Variants in CSMD3 observed in about 807,000 individuals in gnomAD.
CSMD3 encodes the protein CUB and sushi domain-containing protein 3.
In CSMD3, 177 loss-of-function variants were observed where a neutral mutation model predicts 435.2. That is an observed-to-expected ratio of 0.41 (90% CI 0.36 to 0.46). The LOEUF is 0.46. CSMD3 is among the 20% of genes least tolerant of loss of function. The pLI is 0.34. For missense variants in CSMD3, 4,265 were observed against 4,504.6 expected, an observed-to-expected ratio of 0.95 and a Z score of 1.52; for synonymous variants, 1,656 against 1,520.5, an observed-to-expected ratio of 1.09 and a Z score of -2.07.
At chr8:113,425,143 C>A (rs2094629064) in intron 1 of CSMD3, among the ~76,000 whole-genome samples, 1 of 151,406 alleles carries the variant, frequency 6.6e-6, no homozygotes. Flanking sequence ...ATAAGTAACC[C>A]ACTGGTTGTT....
chr8:112,723,366 C>G (rs975933556), intron 13 of CSMD3, among the ~76,000 whole-genome samples: 1 of 152,106 alleles, frequency 6.6e-6, no homozygotes, highest in African/African-American at 2.4e-5. Flanking sequence ...TTCTCACAAG[C>G]ATTTCCATCT....
At chr8:112,478,811 C>T (rs1364630632) in intron 31 of CSMD3, among the ~76,000 whole-genome samples, 1 of 152,170 alleles carries the variant, frequency 6.6e-6, no homozygotes, top group Non-Finnish European at 1.5e-5. Context: ...TGTTCGCCTG[C>T]CCTTTCCTAA....
chr8:112,415,704 G>C (rs1006390997), intron 32 of CSMD3, among the ~76,000 whole-genome samples: 1 of 152,226 alleles, frequency 6.6e-6, no homozygotes, highest in African/African-American at 2.4e-5. Flanking sequence ...CAATGCCACA[G>C]AGGTGGAGTT....
chr8:112,237,678 T>C (rs767141154), intron 66 of CSMD3, among the ~76,000 whole-genome samples: 1 of 152,034 alleles, frequency 6.6e-6, no homozygotes, highest in Non-Finnish European at 1.5e-5. Context: ...TGAAGGAAAA[T>C]AAAATGATTT....
intron 33 of CSMD3, among the ~76,000 whole-genome samples, 199 bp downstream of exon 33, chr8:112,408,720 C>A (rs1483329412): frequency 6.6e-6 from 1 of 151,766 alleles, no homozygotes; most frequent in Non-Finnish European, 1.5e-5. Context: ...TGGTTACAAT[C>A]CCAGAGAATA....
At chr8:112,751,692 G>T (rs1213024787) in intron 13 of CSMD3, among the ~76,000 whole-genome samples, 2 of 146,934 alleles carry the variant, frequency 1.4e-5, no homozygotes, top group Admixed American at 6.8e-5. Context: ...GTCACAAGTT[G>T]GTAACCTTCT....
intron 27 of CSMD3, among the ~76,000 whole-genome samples, chr8:112,521,995 C>T (rs960815167): frequency 1.3e-5 from 2 of 151,486 alleles, no homozygotes; most frequent in Non-Finnish European, 1.5e-5. Flanking sequence ...TGAACATTAG[C>T]AAAAATATAA....
intron 7 of CSMD3, among the ~76,000 whole-genome samples, chr8:112,974,131 C>T (rs758368758): frequency 2.0e-5 from 3 of 151,820 alleles, no homozygotes; most frequent in African/African-American, 4.8e-5. Context: ...GGAATCTACC[C>T]GGGAAGTACT....
chr8:113,268,236 T>C (rs553697279), intron 3 of CSMD3, among the ~76,000 whole-genome samples: 1 of 151,992 alleles, frequency 6.6e-6, no homozygotes, highest in South Asian at 2.1e-4. Flanking sequence ...TCCCCACCCT[T>C]TGTTCCACAG....
At chr8:113,196,470 G>C (rs1244134105) in intron 3 of CSMD3, among the ~76,000 whole-genome samples, 2 of 151,200 alleles carry the variant, frequency 1.3e-5, no homozygotes, top group Non-Finnish European at 3.0e-5. Flanking sequence ...TTTGGGGCCA[G>C]ATTGTAAAGA....
intron 20 of CSMD3, among the ~76,000 whole-genome samples, chr8:112,639,311 T>C (rs1428324157): frequency 2.6e-5 from 4 of 152,168 alleles, no homozygotes; most frequent in East Asian, 3.8e-4. Context: ...ATGCTTAATA[T>C]TATAGCACTT....
At chr8:112,679,608 C>A (rs1322127224) in intron 16 of CSMD3, among the ~76,000 whole-genome samples, 3 of 152,120 alleles carry the variant, frequency 2.0e-5, no homozygotes, top group Non-Finnish European at 2.9e-5. Flanking sequence ...TTGTTTTTCA[C>A]AGATAGTAGA....
chr8:112,837,865 T>C (rs939373649), intron 11 of CSMD3, among the ~76,000 whole-genome samples: 11 of 151,818 alleles, frequency 7.2e-5, no homozygotes, highest in South Asian at 4.1e-4. Context: ...GAATGCATTA[T>C]ATATGTATAA....
At chr8:113,004,988 A>G (rs1370093313) in intron 6 of CSMD3, among the ~76,000 whole-genome samples, 1 of 151,830 alleles carries the variant, frequency 6.6e-6, no homozygotes, top group Non-Finnish European at 1.5e-5. Context: ...ATCATTATAT[A>G]TATACCAAAT....
intron 30 of CSMD3, 144 bp from the exon 31 acceptor site, chr8:112,492,827 CTTTT>C (rs760784267): frequency 1.1e-4 from 80 of 708,424 alleles, no homozygotes; most frequent in Admixed American, 3.5e-4. Flanking sequence ...TATATACAGA[CTTTT>C]TTTGTCATTA....
At chr8:112,286,989 A>T (rs2130631247) in intron 58 of CSMD3, 75 bp downstream of exon 58, 1 of 1,178,102 alleles carries the variant, frequency 8.5e-7, no homozygotes, top group Non-Finnish European at 1.3e-6. Flanking sequence ...TAATTTTCCT[A>T]GTAGTACTCA....
At chr8:112,568,784 G>C (rs1165200166) in intron 24 of CSMD3, among the ~76,000 whole-genome samples, 1 of 151,938 alleles carries the variant, frequency 6.6e-6, no homozygotes, top group Non-Finnish European at 1.5e-5. Context: ...AAGAGTTTCT[G>C]GGCTTCCATG....
intron 12 of CSMD3, among the ~76,000 whole-genome samples, chr8:112,809,399 C>T (rs1227943917): frequency 6.6e-6 from 1 of 152,192 alleles, no homozygotes; most frequent in South Asian, 2.1e-4. Flanking sequence ...GGAGCCAGCA[C>T]CTCAGAAGAA....
intron 27 of CSMD3, among the ~76,000 whole-genome samples, chr8:112,527,686 A>G (rs935727833): frequency 1.3e-5 from 2 of 152,022 alleles, no homozygotes; most frequent in Admixed American, 1.3e-4. Context: ...AACAAGTCTC[A>G]GTAAATTTAA....
Sources: allele counts gnomAD v4.1 joint callset (sites outside exome capture counted in the v4.1 genomes callset), GRCh38; gene constraint gnomAD v4.1.1; transcripts MANE v1.5; gene names NCBI Gene and HGNC (gene_info 2026-07-23, HGNC 2026-07-21).